COL6A6: variants seen among roughly 807,000 people sequenced by gnomAD.
COL6A6 encodes the protein collagen type VI alpha 6 chain.
COL6A6 carries 183 observed loss-of-function variants against 208.6 expected under a neutral mutation model. The observed-to-expected ratio is 0.88, with a 90% confidence interval of 0.78 to 0.99. The LOEUF (loss-of-function observed/expected upper bound fraction) is 0.99. Ranked by LOEUF, COL6A6 falls within the 50% of genes least tolerant of loss-of-function variation. COL6A6 has a pLI of 0.00. For missense variants in COL6A6, 2,816 were observed against 2,815.2 expected, an observed-to-expected ratio of 1.00 and a Z score of -0.01; for synonymous variants, 973 against 1,011.8, an observed-to-expected ratio of 0.96 and a Z score of 0.73.
intron 31 of COL6A6, among the ~76,000 whole-genome samples, chr3:130,644,525 T>C (rs929973866): frequency 6.6e-6 from 1 of 152,210 alleles, no homozygotes; most frequent in African/African-American, 2.4e-5. Context: ...ACATAACATA[T>C]AAATATGCAT....
chr3:130,658,449 T>G (rs141160685), intron 33 of COL6A6, among the ~76,000 whole-genome samples: 223 of 152,356 alleles, frequency 1.5e-3, no homozygotes, highest in Non-Finnish European at 1.7e-3. Context: ...GTAGTACTCT[T>G]ATTTTACAGA....
At chr3:130,588,558 G>GT (rs1326856430) in intron 11 of COL6A6, among the ~76,000 whole-genome samples, 1 of 152,192 alleles carries the variant, frequency 6.6e-6, no homozygotes, top group Non-Finnish European at 1.5e-5. Flanking sequence ...TGTAAGTTGT[G>GT]TTTTTGAAAT....
At chr3:130,669,980 T>G (rs932325811) in intron 36 of COL6A6, among the ~76,000 whole-genome samples, 1 of 152,198 alleles carries the variant, frequency 6.6e-6, no homozygotes, top group African/African-American at 2.4e-5. Context: ...CTACTTTTAT[T>G]GTGTGATGTG....
intron 2 of COL6A6, among the ~76,000 whole-genome samples, chr3:130,561,206 C>G (rs1364104332): frequency 6.6e-6 from 1 of 152,212 alleles, no homozygotes; most frequent in Non-Finnish European, 1.5e-5. Flanking sequence ...TTTCCTTTCT[C>G]CACAAAAGAT....
chr3:130,674,072 T>C (rs1473868692), intron 36 of COL6A6, among the ~76,000 whole-genome samples: 3 of 152,186 alleles, frequency 2.0e-5, no homozygotes, highest in African/African-American at 7.2e-5. Flanking sequence ...AGTTAAATGA[T>C]TTGCCCAAAG....
intron 36 of COL6A6, among the ~76,000 whole-genome samples, chr3:130,671,779 C>G (rs2066223232): frequency 6.6e-6 from 1 of 152,118 alleles, no homozygotes; most frequent in Admixed American, 6.5e-5. Context: ...AAGGAAGGAG[C>G]TGAATCAAAC....
chr3:130,541,747 G>T (rs1007802664), intron 1 of COL6A6, among the ~76,000 whole-genome samples: 32 of 152,130 alleles, frequency 2.1e-4, no homozygotes, highest in African/African-American at 7.2e-4. Context: ...TATAAAATTG[G>T]TGTAATTTCT....
chr3:130,637,810 A>G (rs2065201740), intron 28 of COL6A6, among the ~76,000 whole-genome samples: 1 of 151,966 alleles, frequency 6.6e-6, no homozygotes, highest in Non-Finnish European at 1.5e-5. Context: ...GTATGTTTGT[A>G]TGCATTTTGT....
intron 1 of COL6A6, among the ~76,000 whole-genome samples, chr3:130,530,076 G>A (rs562782392): frequency 6.6e-6 from 1 of 152,310 alleles, no homozygotes; most frequent in Admixed American, 6.5e-5. Flanking sequence ...CAGTGTTTCA[G>A]TCTAGCCCTC....
chr3:130,595,873 C>T (rs1235713623), intron 18 of COL6A6, among the ~76,000 whole-genome samples: 3 of 152,142 alleles, frequency 2.0e-5, no homozygotes, highest in Admixed American at 6.6e-5. Context: ...ATTGTCTTTA[C>T]AGTCAAATGG....
chr3:130,628,706 C>A (rs2064965624), intron 26 of COL6A6, among the ~76,000 whole-genome samples: 1 of 152,008 alleles, frequency 6.6e-6, no homozygotes, highest in African/African-American at 2.4e-5. Flanking sequence ...CCAAATTTCT[C>A]CAATGAAATC....
chr3:130,663,230 TG>T (rs755891363), intron 35 of COL6A6, among the ~76,000 whole-genome samples: 1 of 152,142 alleles, frequency 6.6e-6, no homozygotes, highest in Non-Finnish European at 1.5e-5. Flanking sequence ...TGGAGATTGT[TG>T]TTGGGGCTGA....
chr3:130,600,253 T>C (rs948257237), intron 20 of COL6A6, among the ~76,000 whole-genome samples: 4 of 152,188 alleles, frequency 2.6e-5, no homozygotes, highest in African/African-American at 9.7e-5. Flanking sequence ...AGGAATACTT[T>C]TACACTGTTG....
chr3:130,644,662 G>T (rs771583242), intron 31 of COL6A6, among the ~76,000 whole-genome samples: 14 of 152,150 alleles, frequency 9.2e-5, no homozygotes, highest in Non-Finnish European at 8.8e-5. Flanking sequence ...GTAAAGAGAG[G>T]TTGGATCTTT....
chr3:130,571,251 T>C lies in COL6A6; in HGVS notation c.2835T>C (p.Ala945=). Residue 945 remains alanine, a synonymous_variant, in exon 7 of 37, where the codon GCT becomes GCC. Coordinates refer to ENST00000358511, the MANE Select transcript of COL6A6 (RefSeq NM_001102608.3). Reference sequence around the variant, plus strand: ...GGGACAAAGGCATTCTTGTCCTGGCTGTGGGGATTGATGGTGCCAATCCCG... The same window carrying C: ...GGGACAAAGGCATTCTTGTCCTGGCCGTGGGGATTGATGGTGCCAATCCCG... ...ALRDKGILVL[A]VGIDGANPVE... 1 of 1,614,068 alleles carries C rather than the reference T, an allele frequency of 6.2e-7. No homozygotes were observed. Among genetic ancestry groups the C allele is most frequent in the Non-Finnish European group, 8.5e-7 (1 of 1,179,884 alleles).
intron 36 of COL6A6, among the ~76,000 whole-genome samples, chr3:130,667,318 C>T (rs1462561336): frequency 1.3e-5 from 2 of 152,224 alleles, no homozygotes; most frequent in African/African-American, 4.8e-5. Context: ...CTCATTGCAA[C>T]TTCCACCTCC....
chr3:130,662,697 C>T (rs2065968057), intron 35 of COL6A6, among the ~76,000 whole-genome samples: 1 of 151,960 alleles, frequency 6.6e-6, no homozygotes, highest in South Asian at 2.1e-4. Context: ...TCTGTTAAGG[C>T]ACCAAAAAAG....
chr3:130,664,970 A>C, intron 35 of COL6A6, 33 bp from the exon 36 acceptor site: 1 of 1,404,886 alleles, frequency 7.1e-7, no homozygotes, highest in Non-Finnish European at 9.9e-7. Context: ...ACAGTCATGA[A>C]TACAAGACTT....
In COL6A6 at chr3:130,559,448, C is replaced by T. The variant is rs112378566; in HGVS notation, c.-31-886C>T. Among the ~76,000 whole-genome samples, 1,396 of 152,240 alleles carry T rather than the reference C, an allele frequency of 9.2e-3. 12 individuals are homozygous for T. The highest frequency in any genetic ancestry group is 0.014 in the Admixed American group (216 of 15,294). On this transcript the variant is annotated intron_variant, in intron 1 of 36. Transcript: ENST00000358511. ...GATGGAACTTCTCATGATAAATGTC[C>T]CTTTTCTGAAGAGATTGAATATTAG...
Sources: allele counts gnomAD v4.1 joint callset (sites outside exome capture counted in the v4.1 genomes callset), GRCh38; gene constraint gnomAD v4.1.1; transcripts MANE v1.5; gene names NCBI Gene and HGNC (gene_info 2026-07-23, HGNC 2026-07-21).